Variants in SH2D7 observed in about 807,000 individuals in gnomAD.
SH2D7 encodes SH2 domain containing 7.
In SH2D7, 32 loss-of-function variants were observed where a neutral mutation model predicts 40.8. That is an observed-to-expected ratio of 0.78 (90% CI 0.59 to 1.05). The LOEUF (loss-of-function observed/expected upper bound fraction) is 1.05, where lower values mean the gene tolerates loss of function less well. Ranked by LOEUF, SH2D7 falls within the 50% of genes least tolerant of loss-of-function variation. The pLI, the probability that SH2D7 is intolerant of heterozygous loss-of-function variation, is 0.00. For synonymous variants in SH2D7, 195 were observed against 221.5 expected (o/e 0.88, Z 1.06); for missense variants, 559 against 566.6 (o/e 0.99, Z 0.14).
Position 78,097,767 on chromosome 15 carries a change from A to C in SH2D7, c.267-162A>C, listed in dbSNP as rs556357947. Reference sequence around the variant, plus strand: ...CTCTCCGTAGCTTCCTGATGAACACACCATGGCTCCAAGTGGGGTACAGTG... The same window carrying C: ...CTCTCCGTAGCTTCCTGATGAACACCCCATGGCTCCAAGTGGGGTACAGTG... On this transcript the variant is annotated intron_variant, in intron 2 of 5. Coordinates refer to ENST00000328828, the MANE Select transcript of SH2D7 (RefSeq NM_001101404.2). 2.0e-3 allele frequency among the ~76,000 whole-genome samples: 300 copies of C among 152,100 alleles called. 1 individual carries two copies. Among genetic ancestry groups the C allele is most frequent in the Non-Finnish European group, 2.4e-3 (165 of 67,992 alleles).
intron 4 of SH2D7, 54 bp downstream of exon 4, chr15:78,098,650 G>C: frequency 6.4e-7 from 1 of 1,564,382 alleles, no homozygotes; most frequent in Middle Eastern, 1.8e-4. Flanking sequence ...AGGGATGTGG[G>C]TGCCATGCTC....
intron 4 of SH2D7, 59 bp downstream of exon 4, chr15:78,098,655 A>G (rs2073991910): frequency 1.3e-6 from 2 of 1,545,244 alleles, no homozygotes; most frequent in South Asian, 2.4e-5. Context: ...TGTGGGTGCC[A>G]TGCTCCCAGT....
chr15:78,101,580 G>C, intron 5 of SH2D7, 22 bp downstream of exon 5: 1 of 1,546,248 alleles, frequency 6.5e-7, no homozygotes, highest in Non-Finnish European at 8.7e-7. Context: ...GATGGGGTGG[G>C]GCGGCTCCCA....
intron 1 of SH2D7, 127 bp downstream of exon 1, chr15:78,092,887 C>CG: frequency 2.5e-6 from 3 of 1,208,312 alleles, no homozygotes; most frequent in Non-Finnish European, 3.4e-6. Context: ...CCCTTGGAGG[C>CG]GGGGGGCAGG....
intron 5 of SH2D7, among the ~76,000 whole-genome samples, chr15:78,102,147 A>G (rs1346550002): frequency 2.6e-5 from 4 of 152,094 alleles, no homozygotes; most frequent in Non-Finnish European, 5.9e-5. Flanking sequence ...CCTGGGGGGC[A>G]GAAGCAGGAG....
At chr15:78,097,782 G>A in intron 2 of SH2D7, 147 bp from the exon 3 acceptor site, 1 of 929,634 alleles carries the variant, frequency 1.1e-6, no homozygotes, top group Non-Finnish European at 1.6e-6. Flanking sequence ...GGCTCCAAGT[G>A]GGGTACAGTG....
rs1319217222 is a variant in SH2D7, at chr15:78,104,038, G to C, written c.*523G>C. 1 of 152,668 alleles carries C rather than the reference G, an allele frequency of 6.6e-6. No individual in the cohort carries two copies. The highest frequency in any genetic ancestry group is 1.5e-5 in the Non-Finnish European group (1 of 68,436). 9.5% of individuals were successfully genotyped at this position (152,668 alleles called of 1,614,324 possible). A position where few individuals can be genotyped will look rare whatever the true frequency, so the allele number is the denominator to read the frequency against. On this transcript the variant is annotated 3_prime_UTR_variant, in exon 6 of 6. Coordinates refer to ENST00000328828, the MANE Select transcript of SH2D7 (RefSeq NM_001101404.2). This position sits in a 1 kb window ranked among gnomAD's most constrained non-coding sequence, Gnocchi z 4.4. Reference sequence around the variant, plus strand: ...CACATCCTCTGCTTCAGGCCTCTTCGCTCCAGCTGTACCCTCAGGTCAGGC... The same window carrying C: ...CACATCCTCTGCTTCAGGCCTCTTCCCTCCAGCTGTACCCTCAGGTCAGGC...
Position 78,101,180 on chromosome 15 carries a change from A to T in SH2D7, c.927A>T (p.Thr309=). Residue 309 remains threonine (T), a synonymous_variant, in exon 5 of 6, where the codon ACA becomes ACT. Transcript: ENST00000328828. The stretch of plus-strand genomic sequence containing the variant: ...GGGTGAGCCCAGACCAGGGTCCCAC[A>T]GAGTCTCCCACTTCCTGGGGATGTT... ...LSGVSPDQGP[T]ESPTSWGCSD... 6.3e-7 allele frequency: 1 copy of T among 1,584,250 alleles called. No homozygotes were observed. The highest frequency in any genetic ancestry group is 8.6e-7 in the Non-Finnish European group (1 of 1,167,470).
At chr15:78,092,856 T>C (rs1436782751) in intron 1 of SH2D7, 96 bp downstream of exon 1, 12 of 1,403,444 alleles carry the variant, frequency 8.6e-6, no homozygotes, top group African/African-American at 2.9e-5. Context: ...GTTCCCATCC[T>C]TTCCCTGGGC....
Position 78,098,541 on chromosome 15 carries a change from C to A in SH2D7, c.590C>A (p.Ala197Glu), listed in dbSNP as rs1401240681. The change falls in exon 4 of 6, where the codon GCA becomes GAA. Residue 197 changes from alanine to glutamate, a missense_variant. Ala to Glu is a moderately radical substitution (Grantham distance 107, BLOSUM62 -1). Transcript: ENST00000328828. ...AAGCCCCAGGTCTCCTTCCTCCATG[C>A]ACAGAAAAGCCTGGATGTGAGTCCC... ...SPKPQVSFLH[A>E]QKSLDVSPRN... The A allele has an allele frequency of 1.9e-6, 3 of 1,613,916 alleles. No individual in the cohort carries two copies. In the African/African-American group the frequency reaches 4.0e-5, roughly 22 times the overall value.
upstream of SH2D7, among the ~76,000 whole-genome samples, chr15:78,090,486 C>CT (rs1430109114): frequency 6.6e-6 from 1 of 152,170 alleles, no homozygotes; most frequent in Admixed American, 6.5e-5. Context: ...TGCGTGTTCT[C>CT]TACACTATAA....
At chr15:78,097,904 C>CA (rs1272712112) in intron 2 of SH2D7, 25 bp from the exon 3 acceptor site, 3 of 1,609,768 alleles carry the variant, frequency 1.9e-6, no homozygotes, top group East Asian at 4.5e-5. Context: ...CCAGCAGCCC[C>CA]AGACCACAAG....
chr15:78,103,627 T>C lies in SH2D7; in HGVS notation c.*112T>C, dbSNP rs1474178003. On this transcript the variant is annotated 3_prime_UTR_variant, in exon 6 of 6. Coordinates refer to ENST00000328828, the MANE Select transcript of SH2D7 (RefSeq NM_001101404.2). ...GGCACCCTTTGGATCTTGAGACTCA[T>C]CCAGCCTGCTACAGAACTAGGCTCC... 3.1e-6 allele frequency: 4 copies of C among 1,304,330 alleles called. No individual in the cohort carries two copies. The East Asian group carries it at 7.6e-5, about 25-fold the overall frequency. 80.8% of individuals were successfully genotyped at this position (1,304,330 alleles called of 1,614,324 possible).
At chr15:78,097,820 A>C in intron 2 of SH2D7, 109 bp from the exon 3 acceptor site, 1 of 1,414,986 alleles carries the variant, frequency 7.1e-7, no homozygotes, top group Non-Finnish European at 9.6e-7. Context: ...TCTGTTCTGG[A>C]TCAAGAGCTG....
chr15:78,096,660 ATT>A (rs112148755), intron 2 of SH2D7, among the ~76,000 whole-genome samples: 4 of 145,894 alleles, frequency 2.7e-5, no homozygotes, highest in African/African-American at 1.0e-4. Flanking sequence ...GACACCGGCT[ATT>A]TTTTTTTTTT....
At chr15:78,101,755 G>A (rs996100276) in intron 5 of SH2D7, among the ~76,000 whole-genome samples, 197 bp downstream of exon 5, 8 of 152,156 alleles carry the variant, frequency 5.3e-5, no homozygotes, top group African/African-American at 1.9e-4. Flanking sequence ...AGATTTGGAT[G>A]TAAGATGGGG....
chr15:78,099,431 C>T lies in SH2D7; in HGVS notation c.645+835C>T, dbSNP rs59074030. 5.0e-3 allele frequency among the ~76,000 whole-genome samples: 766 copies of T among 151,856 alleles called. 5 individuals are homozygous for T. The highest frequency in any genetic ancestry group is 0.013 in the East Asian group (67 of 5,154). ...GGATCCAAGTGATTTCCCCTGCCTGCGCCTCCTGAGTAGCTGGGATTACAG... is the reference window on the plus strand; with the variant it reads ...GGATCCAAGTGATTTCCCCTGCCTGTGCCTCCTGAGTAGCTGGGATTACAG... On this transcript the variant is annotated intron_variant, in intron 4 of 5. Coordinates refer to ENST00000328828, the MANE Select transcript of SH2D7 (RefSeq NM_001101404.2).
At chr15:78,094,409 G>T (rs940435919) in intron 2 of SH2D7, among the ~76,000 whole-genome samples, 5 of 152,242 alleles carry the variant, frequency 3.3e-5, no homozygotes, top group African/African-American at 7.2e-5. Context: ...TTCAAAGGAG[G>T]TGAGTGGGGT....
intron 4 of SH2D7, 91 bp from the exon 5 acceptor site, chr15:78,100,806 CAG>C (rs2074008769): frequency 7.0e-7 from 1 of 1,429,254 alleles, no homozygotes; most frequent in East Asian, 2.3e-5. Context: ...ATAGCCAAGA[CAG>C]GGGGCCTCGG....
Sources: gnomAD v4.1 joint callset for allele counts (sites outside exome capture counted in the v4.1 genomes callset) on GRCh38, gnomAD v4.1.1 for gene constraint, Gnocchi (gnomAD v3.1) non-coding constraint, MANE v1.5 for transcripts, NCBI Gene and HGNC (gene_info 2026-07-23, HGNC 2026-07-21) for gene names.